Variants in RPL13 observed in about 807,000 individuals in gnomAD.
RPL13 encodes the protein ribosomal protein L13, also known as large ribosomal subunit protein eL13.
RPL13 carries 1 observed loss-of-function variant against 21.4 expected under a neutral mutation model. The observed-to-expected ratio is 0.05, with a 90% CI of 0.02 to 0.22. The LOEUF (loss-of-function observed/expected upper bound fraction) is 0.22, where lower values mean the gene tolerates loss of function less well. Ranked by LOEUF, RPL13 falls within the 10% of genes least tolerant of loss-of-function variation. The pLI, the probability that RPL13 is intolerant of heterozygous loss-of-function variation, is 1.00. For missense variants in RPL13, 289 were observed against 303.0 expected, an observed-to-expected ratio of 0.95 and a Z score of 0.34; for synonymous variants, 143 against 120.5, an observed-to-expected ratio of 1.19 and a Z score of -1.23.
In RPL13 at chr16:89,560,716, A is replaced by C; in HGVS notation, c.-21+4A>C. 2 of 453,774 alleles carry C rather than the reference A, an allele frequency of 4.4e-6. No homozygotes were observed. Among genetic ancestry groups the C allele is most frequent in the Admixed American group, 8.8e-5 (2 of 22,852 alleles). The allele number at this position is 453,774 out of a possible 1,614,324, so 28.1% of individuals were successfully genotyped here. A position where few individuals can be genotyped will look rare whatever the true frequency, so the allele number is the denominator to read the frequency against. On this transcript the variant is annotated splice_donor_region_variant and intron_variant, in intron 1 of 5. Coordinates refer to ENST00000311528, the MANE Select transcript of RPL13 (RefSeq NM_000977.4). ...CGGCTGTTTTCCTGCGCAGGAGGTGAGGGAGACTGGGTCCTGGCCTTTGGG... is the reference window on the plus strand; with the variant it reads ...CGGCTGTTTTCCTGCGCAGGAGGTGCGGGAGACTGGGTCCTGGCCTTTGGG...
chr16:89,564,296 G>C lies in RPL13; in HGVS notation c.*1254G>C, dbSNP rs1888678943. 1 of 151,888 alleles carries C rather than the reference G, an allele frequency of 6.6e-6. No individual in the cohort carries two copies. The highest frequency in any genetic ancestry group is 2.1e-4 in the South Asian group (1 of 4,834). The allele number at this position is 151,888 out of a possible 1,614,324, so 9.4% of individuals were successfully genotyped here. A position where few individuals can be genotyped will look rare whatever the true frequency, so the allele number is the denominator to read the frequency against. On this transcript the variant is annotated 3_prime_UTR_variant, in exon 6 of 6. Coordinates refer to ENST00000311528, the MANE Select transcript of RPL13 (RefSeq NM_000977.4). ...CTTGATACACGATGACACCTTGCTT[G>C]TTTGGAAACATCTAAACATCTAGTA... is the stretch of plus-strand genomic sequence containing the variant.
At chr16:89,561,430 C>A (rs78090204) in intron 3 of RPL13, 62 bp downstream of exon 3, 2 of 1,612,286 alleles carry the variant, frequency 1.2e-6, no homozygotes, top group Admixed American at 1.7e-5. Context: ...TGGCCTCAGT[C>A]GCGTGATGAC....
At chr16:89,564,927 C>G (rs1054545687), downstream of RPL13, 1 of 152,250 alleles carries the variant, frequency 6.6e-6, no homozygotes, top group Non-Finnish European at 1.5e-5. Flanking sequence ...TGCCCCATCA[C>G]ACCGCCTTGC....
intron 5 of RPL13, 167 bp downstream of exon 5, chr16:89,562,558 C>T (rs1444935855): frequency 3.1e-6 from 2 of 642,518 alleles, no homozygotes; most frequent in African/African-American, 1.9e-5. Context: ...TTACTTCTTG[C>T]AACCATGAAG....
intron 3 of RPL13, 69 bp downstream of exon 3, chr16:89,561,437 T>G (rs769530919): frequency 1.9e-5 from 30 of 1,612,504 alleles, no homozygotes; most frequent in Non-Finnish European, 8.5e-7. Flanking sequence ...AGTCGCGTGA[T>G]GACATTCTCC....
At chr16:89,565,510 C>T (rs2058781284), downstream of RPL13, 1 of 149,032 alleles carries the variant, frequency 6.7e-6, no homozygotes, top group African/African-American at 2.5e-5. Context: ...AAGAAAGACT[C>T]TGCCACCAGA....
intron 4 of RPL13, 36 bp from the exon 5 acceptor site, chr16:89,562,296 TGCG>T (rs756906845): frequency 1.4e-5 from 22 of 1,608,784 alleles, no homozygotes; most frequent in Non-Finnish European, 1.6e-5. Context: ...CTTGCAGCAG[TGCG>T]GCCAACCCCA....
rs776869972 is a variant in RPL13, at chr16:89,561,228, C to A, written c.106C>A (p.Arg36Ser). 15 of 1,544,294 alleles carry A rather than the reference C, an allele frequency of 9.7e-6. No individual in the cohort carries two copies. In the South Asian group the frequency reaches 1.1e-4, roughly 11 times the overall value. The change falls in exon 3 of 6, where the codon CGT (arginine) becomes AGT (serine). Residue 36 changes from arginine to serine, a missense_variant and splice_region_variant. Physicochemically the swap from Arg to Ser is moderately radical, Grantham distance 110. Transcript: ENST00000311528. ...FNQPARKIRRRKARQAKARRI... is the reference protein window; with the variant it reads ...FNQPARKIRRSKARQAKARRI... ...CGCCGCTGCGCTTCTCTCCACCAGACGTAAGGCCCGGCAAGCCAAGGCGCG... is the reference window on the plus strand; with the variant it reads ...CGCCGCTGCGCTTCTCTCCACCAGAAGTAAGGCCCGGCAAGCCAAGGCGCG...
In RPL13 at chr16:89,564,287, A is replaced by G. The variant is rs533509363; in HGVS notation, c.*1245A>G. The G allele has an allele frequency of 1.3e-5, 2 of 151,932 alleles. No individual in the cohort carries two copies. Among genetic ancestry groups the G allele is most frequent in the Non-Finnish European group, 2.9e-5 (2 of 68,016 alleles). The allele number at this position is 151,932 out of a possible 1,614,324, so 9.4% of individuals were successfully genotyped here. ...ACAGCCACACTTGATACACGATGACACCTTGCTTGTTTGGAAACATCTAAA... is the reference window on the plus strand; with the variant it reads ...ACAGCCACACTTGATACACGATGACGCCTTGCTTGTTTGGAAACATCTAAA... On this transcript the variant is annotated 3_prime_UTR_variant, in exon 6 of 6. Coordinates refer to ENST00000311528, the MANE Select transcript of RPL13 (RefSeq NM_000977.4).
At chr16:89,566,373 A>G (rs1425651546), downstream of RPL13, 1 of 144,746 alleles carries the variant, frequency 6.9e-6, no homozygotes, top group Non-Finnish European at 1.5e-5. Context: ...GGCCCGAGCT[A>G]AAGGGGAAGA....
chr16:89,564,650 GTC>G (rs1364613481), downstream of RPL13: 2 of 152,230 alleles, frequency 1.3e-5, no homozygotes, highest in East Asian at 3.9e-4. Context: ...GCGAGACTCA[GTC>G]TCAAAAAAAG....
chr16:89,565,477 C>A (rs574749296), downstream of RPL13: 1 of 152,276 alleles, frequency 6.6e-6, no homozygotes, highest in African/African-American at 2.4e-5. Context: ...ATCTCCTGAT[C>A]CAGGTACGGG....
At chr16:89,562,568 G>A in intron 5 of RPL13, 177 bp downstream of exon 5, 1 of 616,500 alleles carries the variant, frequency 1.6e-6, no homozygotes, top group Admixed American at 3.6e-5. Context: ...CAACCATGAA[G>A]CCATACATTG....
chr16:89,565,914 T>G (rs993693243), downstream of RPL13: 1 of 141,144 alleles, frequency 7.1e-6, no homozygotes, highest in African/African-American at 2.4e-5. Flanking sequence ...CTGTGAAGCC[T>G]GAGAAACTGA....
chr16:89,562,422 C>A lies in RPL13; in HGVS notation c.477+31C>A, dbSNP rs753641431. On this transcript the variant is annotated intron_variant, in intron 5 of 5. Transcript: ENST00000311528. ...TGAACACTTACTCAAATCCAGGCTT[C>A]AGACGAGATCAGTGGGTGAACACGT... is the stretch of plus-strand genomic sequence containing the variant. 15 of 1,604,048 alleles carry A rather than the reference C, an allele frequency of 9.4e-6. No homozygotes were observed. The South Asian group carries it at 1.6e-4, about 17-fold the overall frequency.
chr16:89,561,763 G>A lies in RPL13; in HGVS notation c.420+12G>A, dbSNP rs781107883. 1.2e-6 allele frequency: 2 copies of A among 1,608,928 alleles called. No homozygotes were observed. Among genetic ancestry groups the A allele is most frequent in the Non-Finnish European group, 1.7e-6 (2 of 1,176,204 alleles). On this transcript the variant is annotated intron_variant, in intron 4 of 5. Transcript: ENST00000311528. ...AGGGAGACAGTTCTGTGAGTACACGGCTCTCTGGCCGTCCTGGTGCGCGGG... is the reference window on the plus strand; with the variant it reads ...AGGGAGACAGTTCTGTGAGTACACGACTCTCTGGCCGTCCTGGTGCGCGGG...
In RPL13 at chr16:89,561,718, G is replaced by T; in HGVS notation, c.387G>T (p.Arg129Ser). Residue 129 changes from arginine to serine, a missense_variant, in exon 4 of 6, where the codon AGG becomes AGT. Arg to Ser is a moderately radical substitution (Grantham distance 110, BLOSUM62 -1). Transcript: ENST00000311528. ...GCTCCAAACTCATCCTCTTCCCCAGGAAGCCCTCGGCCCCCAAGAAGGGAG... is the reference window on the plus strand; with the variant it reads ...GCTCCAAACTCATCCTCTTCCCCAGTAAGCCCTCGGCCCCCAAGAAGGGAG... ...EYRSKLILFPRKPSAPKKGDS... is the reference protein window; with the variant it reads ...EYRSKLILFPSKPSAPKKGDS... 1 of 1,613,844 alleles carries T rather than the reference G, an allele frequency of 6.2e-7. No homozygotes were observed. The highest frequency in any genetic ancestry group is 8.5e-7 in the Non-Finnish European group (1 of 1,179,998).
intron 3 of RPL13, 62 bp downstream of exon 3, chr16:89,561,430 C>T (rs78090204): frequency 8.1e-6 from 13 of 1,612,408 alleles, no homozygotes; most frequent in Non-Finnish European, 1.1e-5. Flanking sequence ...TGGCCTCAGT[C>T]GCGTGATGAC....
At chr16:89,565,904 CTG>C (rs879655839), downstream of RPL13, 6 of 141,370 alleles carry the variant, frequency 4.2e-5, no homozygotes, top group Non-Finnish European at 8.3e-5. Flanking sequence ...GGCAGCCAAG[CTG>C]TGAAGCCTGA....
Sources: allele counts gnomAD v4.1 joint callset, GRCh38; gene constraint gnomAD v4.1.1; transcripts MANE v1.5; gene names NCBI Gene and HGNC (gene_info 2026-07-23, HGNC 2026-07-21).